The following OSBP2 variants were observed in gnomAD, a reference collection of about 807,000 sequenced individuals.
The protein encoded by OSBP2 is oxysterol binding protein 2.
A neutral mutation model predicts 96.0 loss-of-function variants in OSBP2; 66 were observed. The ratio of observed to expected loss-of-function variants is 0.69; its 90% CI spans 0.56 to 0.84. The LOEUF (loss-of-function observed/expected upper bound fraction) is 0.84. Among genes scored for constraint, OSBP2 ranks in the 40% least tolerant of loss-of-function variants. OSBP2 has a pLI of 0.00. For synonymous variants in OSBP2, 525 were observed against 520.9 expected, an observed-to-expected ratio of 1.01 and a Z score of -0.11; for missense variants, 1,038 against 1,222.7, an observed-to-expected ratio of 0.85 and a Z score of 2.25.
intron 2 of OSBP2, among the ~76,000 whole-genome samples, chr22:30,807,941 A>T (rs912082011): frequency 1.3e-5 from 2 of 152,148 alleles, no homozygotes; most frequent in African/African-American, 2.4e-5. Context: ...ACAGGCCACC[A>T]TGCCAAGCTA....
intron 3 of OSBP2, among the ~76,000 whole-genome samples, chr22:30,877,796 A>C (rs1399402460): frequency 2.0e-5 from 3 of 152,136 alleles, no homozygotes; most frequent in African/African-American, 4.8e-5. Flanking sequence ...CCATTCCTGA[A>C]CTTGGAAGGC....
At chr22:30,738,275 C>T (rs2145734982) in intron 1 of OSBP2, among the ~76,000 whole-genome samples, 1 of 152,140 alleles carries the variant, frequency 6.6e-6, no homozygotes, top group East Asian at 1.9e-4. Context: ...TGCCCATCCC[C>T]CTCTTATTTC....
At chr22:30,892,688 C>T (rs2039974994) in intron 8 of OSBP2, among the ~76,000 whole-genome samples, 1 of 152,116 alleles carries the variant, frequency 6.6e-6, no homozygotes, top group African/African-American at 2.4e-5. Flanking sequence ...CCCGACTGCC[C>T]CTTGGCTAAA....
At chr22:30,895,892 C>G (rs142966202) in intron 12 of OSBP2, among the ~76,000 whole-genome samples, 5 of 145,724 alleles carry the variant, frequency 3.4e-5, no homozygotes, top group Non-Finnish European at 7.5e-5. Flanking sequence ...GAGCCGAGAT[C>G]GTGCCACTGC....
intron 2 of OSBP2, among the ~76,000 whole-genome samples, chr22:30,800,061 A>T (rs1277534361): frequency 6.6e-6 from 1 of 152,052 alleles, no homozygotes; most frequent in African/African-American, 2.4e-5. Context: ...TGGGGGTGAG[A>T]ATAGGGGCAA....
rs200651167 is a variant in OSBP2, at chr22:30,744,798, TC to T, written c.853+3430del. On this transcript the variant is annotated intron_variant, in intron 2 of 13. Coordinates refer to ENST00000332585, the MANE Select transcript of OSBP2 (RefSeq NM_030758.4). ...CAAACAAACAAACAAATAAATCAAC[TC>T]TTAGGTGCTATAAACCAACTAGACT... Among the ~76,000 whole-genome samples, 59 of 151,978 alleles carry T rather than the reference TC, an allele frequency of 3.9e-4. No homozygotes were observed. The East Asian group carries it at 8.3e-3, about 21-fold the overall frequency.
At chr22:30,694,399 CT>C, upstream of OSBP2, 1 of 1,466,868 alleles carries the variant, frequency 6.8e-7, no homozygotes, top group Non-Finnish European at 9.0e-7. Context: ...CGCCCCTGTG[CT>C]TCGTGCGCAT....
intron 1 of OSBP2, among the ~76,000 whole-genome samples, chr22:30,696,878 C>T (rs547166115): frequency 6.6e-6 from 1 of 151,910 alleles, no homozygotes; most frequent in South Asian, 2.1e-4. Flanking sequence ...AGGCTGGTTT[C>T]GAACTCCTGA....
At chr22:30,824,184 C>A (rs2038345372) in intron 2 of OSBP2, among the ~76,000 whole-genome samples, 1 of 152,222 alleles carries the variant, frequency 6.6e-6, no homozygotes, top group Non-Finnish European at 1.5e-5. Context: ...ACGGCCAGAC[C>A]CCTCTAGGCC....
intron 3 of OSBP2, among the ~76,000 whole-genome samples, chr22:30,876,765 C>T (rs2039589156): frequency 6.6e-6 from 1 of 152,212 alleles, no homozygotes; most frequent in Non-Finnish European, 1.5e-5. Context: ...TGCACCTCCC[C>T]TGCCCCTACT....
intron 1 of OSBP2, among the ~76,000 whole-genome samples, chr22:30,718,785 G>A (rs1398188726): frequency 6.6e-6 from 1 of 152,146 alleles, no homozygotes; most frequent in African/African-American, 2.4e-5. Flanking sequence ...ATTTGTTGCA[G>A]AAATGGCCTG....
chr22:30,809,957 G>A (rs1016597148), intron 2 of OSBP2, among the ~76,000 whole-genome samples: 1 of 152,148 alleles, frequency 6.6e-6, no homozygotes, highest in Non-Finnish European at 1.5e-5. Context: ...GGTCTGGAGA[G>A]GGAAAAGTTA....
intron 1 of OSBP2, among the ~76,000 whole-genome samples, chr22:30,712,378 C>T (rs961998626): frequency 6.6e-6 from 1 of 152,118 alleles, no homozygotes; most frequent in South Asian, 2.1e-4. Context: ...CCTTCATTTG[C>T]CCTGGGAGGA....
upstream of OSBP2, chr22:30,694,462 C>A: frequency 7.7e-7 from 1 of 1,306,224 alleles, no homozygotes; most frequent in South Asian, 1.5e-5. Flanking sequence ...TCCTGGGTGG[C>A]GGAGAGCGAA....
chr22:30,751,283 T>C (rs961209510), intron 2 of OSBP2, among the ~76,000 whole-genome samples: 3 of 152,114 alleles, frequency 2.0e-5, no homozygotes, highest in African/African-American at 7.2e-5. Context: ...GTCACTCATA[T>C]TTGGCTCAGA....
At chr22:30,785,804 A>G (rs1569123075) in intron 2 of OSBP2, among the ~76,000 whole-genome samples, 1 of 152,022 alleles carries the variant, frequency 6.6e-6, no homozygotes, top group Non-Finnish European at 1.5e-5. Flanking sequence ...TGGTTGTTTG[A>G]TAAGTGTCTG....
At chr22:30,703,153 A>G (rs916985927) in intron 1 of OSBP2, among the ~76,000 whole-genome samples, 3 of 151,750 alleles carry the variant, frequency 2.0e-5, no homozygotes, top group Non-Finnish European at 4.4e-5. Flanking sequence ...TAGGCTACTC[A>G]GTGAACCAGT....
intron 2 of OSBP2, among the ~76,000 whole-genome samples, chr22:30,862,039 C>T (rs1469922080): frequency 6.6e-5 from 10 of 152,260 alleles, no homozygotes; most frequent in Admixed American, 6.5e-4. Context: ...AGCCTAAAGT[C>T]ATCTCCCAAC....
At chr22:30,837,460 C>T (rs1209369764) in intron 2 of OSBP2, among the ~76,000 whole-genome samples, 2 of 152,148 alleles carry the variant, frequency 1.3e-5, no homozygotes, top group East Asian at 1.9e-4. Flanking sequence ...CCTAGCAGTG[C>T]TGTGCACTGG....
Sources: allele counts gnomAD v4.1 joint callset (sites outside exome capture counted in the v4.1 genomes callset), GRCh38; gene constraint gnomAD v4.1.1; transcripts MANE v1.5; gene names NCBI Gene and HGNC (gene_info 2026-07-23, HGNC 2026-07-21).